The following TRPC4AP variants were observed in gnomAD, a reference collection of about 807,000 sequenced individuals.
TRPC4AP encodes short transient receptor potential channel 4-associated protein.
TRPC4AP carries 45 observed loss-of-function variants against 99.0 expected under a neutral mutation model. The observed-to-expected ratio is 0.45, with a 90% CI of 0.36 to 0.58. The LOEUF is 0.58. Ranked by LOEUF, TRPC4AP falls within the 20% of genes least tolerant of loss-of-function variation. The pLI, the probability that TRPC4AP is intolerant of heterozygous loss-of-function variation, is 0.00. For missense variants in TRPC4AP, 879 were observed against 985.3 expected (o/e 0.89, Z 1.44); for synonymous variants, 408 against 385.8 (o/e 1.06, Z -0.67).
At chr20:35,005,159 G>A (rs749933201) in intron 16 of TRPC4AP, among the ~76,000 whole-genome samples, 27 of 152,166 alleles carry the variant, frequency 1.8e-4, no homozygotes, top group Non-Finnish European at 3.4e-4. Context: ...GGAAGCAAAC[G>A]GCTAAATTAC....
At chr20:35,070,511 C>T (rs2084280090) in intron 2 of TRPC4AP, among the ~76,000 whole-genome samples, 1 of 151,812 alleles carries the variant, frequency 6.6e-6, no homozygotes, top group African/African-American at 2.4e-5. Flanking sequence ...CCCGGGTTCA[C>T]GCCATTCTCC....
chr20:35,064,124 G>A (rs1342417653), intron 3 of TRPC4AP, among the ~76,000 whole-genome samples: 4 of 152,094 alleles, frequency 2.6e-5, no homozygotes, highest in Non-Finnish European at 5.9e-5. Flanking sequence ...TTATCTATAT[G>A]CTGAGAATAT....
chr20:35,044,441 C>T (rs970373965), intron 7 of TRPC4AP, 64 bp downstream of exon 7: 1 of 1,144,940 alleles, frequency 8.7e-7, no homozygotes, highest in Non-Finnish European at 1.2e-6. Flanking sequence ...AGAAAAAAAA[C>T]TAGATGATTT....
Position 35,007,604 on chromosome 20 carries a change from T to C in TRPC4AP, c.1632A>G (p.Arg544=). The C allele has an allele frequency of 6.2e-7, 1 of 1,614,162 alleles. No homozygotes were observed. The highest frequency in any genetic ancestry group is 8.5e-7 in the Non-Finnish European group (1 of 1,180,014). ...TCTGGTCTGCATAGGAGGTGGTCCC[T>C]CGGAGGAAACTCTCCACAGCCCGAG... ...WQARAVESFL[R]GTTSYADQMF... The change falls in exon 14 of 19, where the codon CGA becomes CGG. Residue 544 remains arginine (R), a synonymous_variant. Coordinates refer to ENST00000252015, the MANE Select transcript of TRPC4AP (RefSeq NM_015638.3).
In TRPC4AP at chr20:35,069,325, A is replaced by G; in HGVS notation, c.385T>C (p.Tyr129His). Residue 129 changes from tyrosine to histidine, a missense_variant, in exon 3 of 19, where the codon TAC becomes CAC. Tyr to His is a moderately conservative substitution (Grantham distance 83, BLOSUM62 2). Around this residue, in one of 3 missense-constraint regions of TRPC4AP, gnomAD observed 603 missense variants for 631.8 expected, o/e 0.95. Coordinates refer to ENST00000252015, the MANE Select transcript of TRPC4AP (RefSeq NM_015638.3). The stretch of plus-strand genomic sequence containing the variant: ...ACACCTCCAAACAAGTCAAAAATGT[A>G]AGTATTTGGATAAGTGGTTTCTTGG... ...LTQETTYPNT[Y>H]IFDLFGGVDL... 6.2e-7 allele frequency: 1 copy of G among 1,608,612 alleles called. No individual in the cohort carries two copies.
intron 3 of TRPC4AP, among the ~76,000 whole-genome samples, chr20:35,066,533 A>G (rs1409863161): frequency 6.6e-6 from 1 of 152,208 alleles, no homozygotes; most frequent in African/African-American, 2.4e-5. Flanking sequence ...ACTTCAGGTA[A>G]TGGGGTTAAG....
chr20:35,046,466 A>G (rs558341232), intron 6 of TRPC4AP, among the ~76,000 whole-genome samples: 111 of 152,322 alleles, frequency 7.3e-4, no homozygotes, highest in African/African-American at 2.6e-3. Flanking sequence ...AACTTTTAAT[A>G]ATCTGTTCCT....
chr20:35,042,125 A>G (rs1427268114), intron 7 of TRPC4AP, among the ~76,000 whole-genome samples: 1 of 152,196 alleles, frequency 6.6e-6, no homozygotes, highest in Non-Finnish European at 1.5e-5. Flanking sequence ...TAAAAATGTA[A>G]ATTTCCTAAA....
chr20:35,057,834 T>C (rs1240122475), intron 3 of TRPC4AP, among the ~76,000 whole-genome samples: 4 of 152,206 alleles, frequency 2.6e-5, no homozygotes, highest in African/African-American at 9.6e-5. Context: ...TTAGGTAATC[T>C]CTGGGATCTA....
Position 35,092,629 on chromosome 20 carries a change from C to T in TRPC4AP, c.153G>A (p.Leu51=). 6.6e-7 allele frequency: 1 copy of T among 1,513,818 alleles called. No homozygotes were observed. Among genetic ancestry groups the T allele is most frequent in the East Asian group, 2.7e-5 (1 of 37,638 alleles). 93.8% of individuals were successfully genotyped at this position (1,513,818 alleles called of 1,614,324 possible). A position where few individuals can be genotyped will look rare whatever the true frequency, so the allele number is the denominator to read the frequency against. The change falls in exon 1 of 19, where the codon CTG becomes CTA. Residue 51 remains leucine, a synonymous_variant. Transcript: ENST00000252015. ...AGCCTCGTACCTGCACCGCCCGGAC[C>T]AGGCCCCGGCCGGTCAGCTGGCCCT... The part of the protein sequence containing the change: ...LRQGQLTGRG[L]VRAVQFTETF...
At chr20:35,052,099 T>C (rs994744532) in intron 5 of TRPC4AP, among the ~76,000 whole-genome samples, 1 of 96,392 alleles carries the variant, frequency 1.0e-5, no homozygotes, top group Non-Finnish European at 2.3e-5. Flanking sequence ...TTTTTTTTGG[T>C]TTTTTTTTTT....
Position 35,038,684 on chromosome 20 carries a change from CT to C in TRPC4AP, c.866-3377del, listed in dbSNP as rs529086845. 5.7e-3 allele frequency among the ~76,000 whole-genome samples: 864 copies of C among 152,266 alleles called. 6 individuals are homozygous for C. The highest frequency in any genetic ancestry group is 0.02 in the African/African-American group (832 of 41,560). ...TATTTTTCGAAGGACGTTTAAGAAA[CT>C]GGTAAAAAGTTACCACAGGGAGGGG... On this transcript the variant is annotated intron_variant, in intron 7 of 18. Coordinates refer to ENST00000252015, the MANE Select transcript of TRPC4AP (RefSeq NM_015638.3).
At chr20:35,077,346 G>A (rs1362796408) in intron 2 of TRPC4AP, among the ~76,000 whole-genome samples, 2 of 152,186 alleles carry the variant, frequency 1.3e-5, no homozygotes, top group East Asian at 3.8e-4. Context: ...CATCGCTCAT[G>A]CTGGGTACCA....
chr20:35,003,639 G>A, intron 17 of TRPC4AP, 23 bp from the exon 18 acceptor site: 2 of 1,606,142 alleles, frequency 1.2e-6, no homozygotes, highest in Non-Finnish European at 1.7e-6. Flanking sequence ...AGGCCCACAG[G>A]GTCAGGGGCT....
chr20:35,068,512 A>T (rs899313800), intron 3 of TRPC4AP, among the ~76,000 whole-genome samples: 3 of 152,228 alleles, frequency 2.0e-5, no homozygotes, highest in Admixed American at 1.3e-4. Context: ...ATTATGGCAC[A>T]ATCACACCAG....
chr20:35,009,401 T>C (rs557467367), intron 12 of TRPC4AP, among the ~76,000 whole-genome samples: 1 of 152,146 alleles, frequency 6.6e-6, no homozygotes, highest in African/African-American at 2.4e-5. Flanking sequence ...ACACCTGTAA[T>C]CCCTGGACTT....
At chr20:35,026,334 C>A (rs117320301) in intron 8 of TRPC4AP, among the ~76,000 whole-genome samples, 12,290 of 151,646 alleles carry the variant, frequency 0.081, 588 homozygotes, top group South Asian at 0.13. Flanking sequence ...CCCACCTCAG[C>A]CTCTTGAGTA....
intron 1 of TRPC4AP, among the ~76,000 whole-genome samples, chr20:35,079,088 GA>G (rs2084557870): frequency 6.6e-6 from 1 of 152,038 alleles, no homozygotes; most frequent in African/African-American, 2.4e-5. Flanking sequence ...AGGGGATGGA[GA>G]AAGATAAATC....
chr20:35,067,398 C>T (rs1348869926), intron 3 of TRPC4AP, among the ~76,000 whole-genome samples: 4 of 152,136 alleles, frequency 2.6e-5, no homozygotes, highest in Non-Finnish European at 4.4e-5. Context: ...AAACTGAAAC[C>T]CTTATACACT....
Sources: gnomAD v4.1 joint callset for allele counts (sites outside exome capture counted in the v4.1 genomes callset) on GRCh38, gnomAD v4.1.1 for gene constraint, gnomAD v4.1.1 regional missense constraint, MANE v1.5 for transcripts, NCBI Gene and HGNC (gene_info 2026-07-23, HGNC 2026-07-21) for gene names.